SLIT1: variants seen among roughly 807,000 people sequenced by gnomAD.
SLIT1 encodes the protein slit homolog 1 protein.
A neutral mutation model predicts 186.1 loss-of-function variants in SLIT1; 66 were observed. The observed-to-expected ratio is 0.35, with a 90% CI of 0.29 to 0.44. The LOEUF is 0.44. Among genes scored for constraint, SLIT1 ranks in the 20% least tolerant of loss-of-function variants. SLIT1 has a pLI of 1.00. For synonymous variants in SLIT1, 761 were observed against 833.8 expected, an observed-to-expected ratio of 0.91 and a Z score of 1.50; for missense variants, 1,638 against 2,037.4, an observed-to-expected ratio of 0.80 and a Z score of 3.77.
rs758048907 is a variant in SLIT1 at position 97,021,390 on chromosome 10, T to C, written c.2606A>G (p.Tyr869Cys). The C allele has an allele frequency of 1.2e-6, 2 of 1,613,840 alleles. No individual in the cohort carries two copies. Among genetic ancestry groups the C allele is most frequent in the Non-Finnish European group, 1.7e-6 (2 of 1,179,960 alleles). ...CAGCCAGCGGAGGTGGCAGTCACAGTATAGGGGGTTGGCACCAATGGCCCT... is the reference window on the plus strand; with the variant it reads ...CAGCCAGCGGAGGTGGCAGTCACAGCATAGGGGGTTGGCACCAATGGCCCT... Reference protein sequence around the residue: ...SHLAIGANPLYCDCHLRWLSS... With the variant: ...SHLAIGANPLCCDCHLRWLSS... Residue 869 changes from tyrosine (Y) to cysteine (C), a missense_variant, in exon 26 of 37, where the codon TAC becomes TGC. By Grantham distance (194) the Tyr-to-Cys change is radical (BLOSUM62 -2). This residue lies in a region of SLIT1 where 1,245 missense variants were observed against 1,535.3 expected (regional missense o/e 0.81). Transcript: ENST00000266058. This position sits in a 1 kb window ranked among gnomAD's most constrained non-coding sequence, Gnocchi z 4.5.
intron 11 of SLIT1, chr10:97,057,682 G>A (rs186118760): frequency 2.1e-5 from 8 of 383,952 alleles, no homozygotes; most frequent in Non-Finnish European, 3.3e-5. Flanking sequence ...TTTTCAGAGA[G>A]TTACAGGAAA....
chr10:97,118,359 C>T (rs1170951879), intron 4 of SLIT1, among the ~76,000 whole-genome samples: 5 of 152,266 alleles, frequency 3.3e-5, no homozygotes, highest in Middle Eastern at 3.4e-3. Context: ...CTTTGTCCTC[C>T]ACTTCTTGGC....
chr10:97,002,438 C>T, intron 35 of SLIT1, 69 bp from the exon 36 acceptor site: 1 of 1,249,256 alleles, frequency 8.0e-7, no homozygotes, highest in African/African-American at 1.5e-5. Flanking sequence ...CAGCCCGCCC[C>T]ACCTGACACA....
At chr10:97,056,249 T>A in intron 13 of SLIT1, 72 bp downstream of exon 13, 1 of 1,536,404 alleles carries the variant, frequency 6.5e-7, no homozygotes, top group South Asian at 1.1e-5. Flanking sequence ...GAGCTGCCTG[T>A]CCCTGGAGGC....
In SLIT1 at chr10:97,181,362, T is replaced by C. The variant is rs1360173783; in HGVS notation, c.197+4116A>G. ...TCACCATCCAATTATTATTTGGAAT[T>C]TCAAACAGGCTCCCCAGAGGATCAG... On this transcript the variant is annotated intron_variant, in intron 1 of 36. Transcript: ENST00000266058. Among the ~76,000 whole-genome samples the C allele has an allele frequency of 2.0e-5, 3 of 152,230 alleles. No homozygotes were observed. In the East Asian group the frequency reaches 5.8e-4, roughly 29 times the overall value.
At chr10:97,120,019 C>G (rs1052988864) in intron 4 of SLIT1, among the ~76,000 whole-genome samples, 2 of 146,182 alleles carry the variant, frequency 1.4e-5, no homozygotes, top group Non-Finnish European at 3.0e-5. Flanking sequence ...TCTAGTTGAG[C>G]CTTTATTGGG....
At position 97,010,022 on chromosome 10, in the gene SLIT1, C is replaced by T. The variant is rs1848397355; in HGVS notation, c.3341+971G>A. Among the ~76,000 whole-genome samples the T allele has an allele frequency of 6.6e-6, 1 of 152,190 alleles. No homozygotes were observed. Among genetic ancestry groups the T allele is most frequent in the Non-Finnish European group, 1.5e-5 (1 of 68,028 alleles). ...GTAGTTCCTCAAACAGTTAAACATA[C>T]AGTTAACATACGACTCAGAAAATCC... On this transcript the variant is annotated intron_variant, in intron 31 of 36. Transcript: ENST00000266058. The surrounding 1 kb of genome is among the most constrained non-coding windows in gnomAD (Gnocchi z 4.8).
At chr10:97,120,373 G>A (rs1379816706) in intron 4 of SLIT1, among the ~76,000 whole-genome samples, 1 of 152,076 alleles carries the variant, frequency 6.6e-6, no homozygotes, top group Non-Finnish European at 1.5e-5. Context: ...TTACATCTCC[G>A]GTGCCCTGTG....
chr10:97,052,113 T>G (rs201178633), intron 13 of SLIT1, among the ~76,000 whole-genome samples: 8,260 of 150,874 alleles, frequency 0.055, 364 homozygotes, highest in South Asian at 0.12. Flanking sequence ...TGTTTTTTTT[T>G]TTTTTGGAGT....
At chr10:97,040,869 T>C (rs1220245391) in intron 20 of SLIT1, among the ~76,000 whole-genome samples, 1 of 152,198 alleles carries the variant, frequency 6.6e-6, no homozygotes, top group African/African-American at 2.4e-5. Context: ...TTGAGGACAC[T>C]GGGATGCTGG....
intron 4 of SLIT1, among the ~76,000 whole-genome samples, chr10:97,126,405 G>A (rs1481862373): frequency 3.3e-5 from 5 of 152,150 alleles, no homozygotes; most frequent in Non-Finnish European, 5.9e-5. Flanking sequence ...GGAGTTTCAG[G>A]AGCCACCAAA....
intron 23 of SLIT1, among the ~76,000 whole-genome samples, chr10:97,032,991 C>T (rs1258380435): frequency 6.6e-6 from 1 of 151,900 alleles, no homozygotes; most frequent in Middle Eastern, 3.2e-3. Context: ...GCCTGGGTCT[C>T]GGAGCTGGGA....
At chr10:97,058,010 AG>A (rs758963412) in intron 11 of SLIT1, 24 of 717,364 alleles carry the variant, frequency 3.3e-5, no homozygotes, top group Non-Finnish European at 6.0e-5. Flanking sequence ...CATGGCTTCA[AG>A]GTCATTCCTG....
intron 4 of SLIT1, among the ~76,000 whole-genome samples, chr10:97,108,159 C>T (rs1209060748): frequency 1.3e-5 from 2 of 152,188 alleles, no homozygotes; most frequent in Non-Finnish European, 2.9e-5. Context: ...TGTGCCCTCC[C>T]CTGGGGTGGC....
chr10:97,103,182 AAG>A (rs1209292070), intron 4 of SLIT1: 4 of 152,348 alleles, frequency 2.6e-5, no homozygotes, highest in Admixed American at 1.3e-4. Flanking sequence ...CAGGGAGTCC[AAG>A]AGAGGGCTGG....
At chr10:97,073,031 G>A (rs1305143979) in intron 4 of SLIT1, among the ~76,000 whole-genome samples, 1 of 152,196 alleles carries the variant, frequency 6.6e-6, no homozygotes, top group East Asian at 1.9e-4. Context: ...GCTTTCCCAC[G>A]AGGGGGCGCC....
intron 22 of SLIT1, among the ~76,000 whole-genome samples, chr10:97,036,629 T>A (rs1483294869): frequency 6.6e-6 from 1 of 152,248 alleles, no homozygotes; most frequent in Non-Finnish European, 1.5e-5. Flanking sequence ...GCGCCATATC[T>A]AATTACAAAC....
At chr10:97,067,391 C>A (rs888379950) in intron 4 of SLIT1, among the ~76,000 whole-genome samples, 5 of 152,190 alleles carry the variant, frequency 3.3e-5, no homozygotes, top group African/African-American at 1.2e-4. Flanking sequence ...CGCCCCTTTC[C>A]AGGTCAGCTC....
intron 3 of SLIT1, 86 bp downstream of exon 3, chr10:97,163,294 C>T (rs901725045): frequency 4.3e-6 from 5 of 1,164,200 alleles, no homozygotes; most frequent in Non-Finnish European, 6.4e-6. Flanking sequence ...CCATGAGTGC[C>T]CCTCATCCCT....
Sources: allele counts gnomAD v4.1 joint callset (sites outside exome capture counted in the v4.1 genomes callset), GRCh38; gene constraint gnomAD v4.1.1; regional missense constraint gnomAD v4.1.1; non-coding constraint Gnocchi (gnomAD v3.1); transcripts MANE v1.5; gene names NCBI Gene and HGNC (gene_info 2026-07-23, HGNC 2026-07-21).